ACTMAP: variants seen among roughly 807,000 people sequenced by gnomAD.
The protein encoded by ACTMAP is actin maturation protease, also known as UPF0692 protein C19orf54.
chr19:40,747,789 C>G, the ACTMAP span, among the ~76,000 whole-genome samples: 1 of 152,092 alleles, frequency 6.6e-6, no homozygotes, highest in African/African-American at 2.4e-5. Context: ...TCACTTGAGC[C>G]TGGGAGGTTG....
the ACTMAP span, among the ~76,000 whole-genome samples, chr19:40,745,382 T>C: frequency 6.6e-6 from 1 of 152,278 alleles, no homozygotes; most frequent in Non-Finnish European, 1.5e-5. Flanking sequence ...TTTCCTCATC[T>C]GGTTTGTGGG....
chr19:40,745,583 C>T, the ACTMAP span, among the ~76,000 whole-genome samples: 14 of 152,170 alleles, frequency 9.2e-5, no homozygotes, highest in African/African-American at 3.1e-4. Context: ...ACTGCAGCCT[C>T]GACCTCCCAG....
chr19:40,746,112 T>A, the ACTMAP span, among the ~76,000 whole-genome samples: 140 of 152,344 alleles, frequency 9.2e-4, no homozygotes, highest in African/African-American at 3.3e-3. Flanking sequence ...TAAAACCAGG[T>A]AACAACATGC....
the ACTMAP span, chr19:40,742,766 G>A: frequency 4.4e-6 from 7 of 1,605,798 alleles, no homozygotes; most frequent in African/African-American, 1.3e-5. Flanking sequence ...CACCCAGCAG[G>A]ACCCCTGGGG....
chr19:40,744,304 G>T, the ACTMAP span: 1 of 1,418,412 alleles, frequency 7.1e-7, no homozygotes, highest in Non-Finnish European at 9.3e-7. Context: ...TCCACCCCTT[G>T]GTACAAATGC....
chr19:40,745,974 TTTTTA>T, the ACTMAP span, among the ~76,000 whole-genome samples: 1 of 152,144 alleles, frequency 6.6e-6, no homozygotes, highest in African/African-American at 2.4e-5. Flanking sequence ...TGCCCGACTC[TTTTTA>T]TTTTTAGTAG....
At chr19:40,743,359 A>G in the ACTMAP span, among the ~76,000 whole-genome samples, 1 of 151,954 alleles carries the variant, frequency 6.6e-6, no homozygotes, top group Non-Finnish European at 1.5e-5. Flanking sequence ...CAGCCTCCCA[A>G]GTAGCTAGGA....
the ACTMAP span, chr19:40,745,311 C>CT: frequency 9.4e-7 from 1 of 1,060,048 alleles, no homozygotes; most frequent in Non-Finnish European, 1.4e-6. Flanking sequence ...ATGGGCCTGG[C>CT]TGTCCTAAGG....
chr19:40,749,515 C>A, the ACTMAP span: 1 of 1,545,834 alleles, frequency 6.5e-7, no homozygotes, highest in South Asian at 1.2e-5. Flanking sequence ...CTCTTCACAT[C>A]TTCTCTGCCC....
At chr19:40,744,469 C>A in the ACTMAP span, 1 of 1,546,394 alleles carries the variant, frequency 6.5e-7, no homozygotes, top group Non-Finnish European at 8.7e-7. Context: ...TGGAATGAGA[C>A]ACCCTGACAC....
chr19:40,744,215 CAG>C, the ACTMAP span: 1 of 1,542,576 alleles, frequency 6.5e-7, no homozygotes, highest in Non-Finnish European at 8.8e-7. Flanking sequence ...TGAGAGCACA[CAG>C]AGGGGGCTTG....
the ACTMAP span, chr19:40,740,927 A>G: frequency 7.5e-6 from 3 of 398,484 alleles, no homozygotes; most frequent in Non-Finnish European, 1.3e-5. Context: ...GGGTAACAGG[A>G]TAATGAGCAG....
the ACTMAP span, chr19:40,749,539 C>T: frequency 1.9e-6 from 3 of 1,551,146 alleles, no homozygotes; most frequent in South Asian, 2.4e-5. Context: ...GGGACCGGGC[C>T]GGCCTTATCA....
chr19:40,743,233 TA>T, the ACTMAP span, among the ~76,000 whole-genome samples: 6 of 89,784 alleles, frequency 6.7e-5, no homozygotes, highest in African/African-American at 2.3e-4. Flanking sequence ...AGCCCTGTTC[TA>T]TTTTTTTTTT....
chr19:40,749,852 G>T, the ACTMAP span: 1 of 1,216,988 alleles, frequency 8.2e-7, no homozygotes, highest in South Asian at 1.8e-5. Flanking sequence ...GGGGAGGGAA[G>T]GATCCTCCAA....
At chr19:40,747,685 A>T in the ACTMAP span, among the ~76,000 whole-genome samples, 1 of 152,022 alleles carries the variant, frequency 6.6e-6, no homozygotes, top group Admixed American at 6.6e-5. Flanking sequence ...GCAAGACTCT[A>T]TATCTACAAA....
chr19:40,744,688 G>A, the ACTMAP span: 1 of 1,603,522 alleles, frequency 6.2e-7, no homozygotes, highest in Non-Finnish European at 8.5e-7. Flanking sequence ...CCGCATCTGG[G>A]GACAGAGAGG....
chr19:40,745,280 T>A, the ACTMAP span: 1 of 1,352,430 alleles, frequency 7.4e-7, no homozygotes, highest in Non-Finnish European at 1.0e-6. Context: ...AGTGGTCGTA[T>A]CCAGGGATGA....
At chr19:40,744,776 GT>G in the ACTMAP span, 2 of 1,465,886 alleles carry the variant, frequency 1.4e-6, no homozygotes, top group East Asian at 2.4e-5. Context: ...CCCTGGAGGA[GT>G]CCCCCTCCCC....
Sources: gnomAD v4.1 joint callset for allele counts (sites outside exome capture counted in the v4.1 genomes callset) on GRCh38, gnomAD v4.1.1 for gene constraint, MANE v1.5 for transcripts, NCBI Gene and HGNC (gene_info 2026-07-23, HGNC 2026-07-21) for gene names.